The following PDE4D variants were observed in gnomAD, a reference collection of about 807,000 sequenced individuals.
PDE4D encodes phosphodiesterase 4D.
A neutral mutation model predicts 87.4 loss-of-function variants in PDE4D; 24 were observed. That is an observed-to-expected ratio of 0.27 (90% CI 0.20 to 0.39). PDE4D has a LOEUF of 0.39. Among genes scored for constraint, PDE4D ranks in the 10% least tolerant of loss-of-function variants. The pLI is 1.00. For missense variants in PDE4D, 714 were observed against 1,041.0 expected (o/e 0.69, Z 4.32); for synonymous variants, 384 against 383.2 (o/e 1.00, Z -0.02).
intron 1 of PDE4D, among the ~76,000 whole-genome samples, chr5:59,392,524 T>TATATATATATATATA (rs1562093627): frequency 4.0e-5 from 6 of 149,320 alleles, no homozygotes; most frequent in African/African-American, 7.4e-5. Flanking sequence ...TATATATATA[T>TATATATATATATATA]TCCATTAATT....
At chr5:59,340,181 A>G (rs1033787674) in intron 1 of PDE4D, among the ~76,000 whole-genome samples, 1 of 152,134 alleles carries the variant, frequency 6.6e-6, no homozygotes, top group African/African-American at 2.4e-5. Flanking sequence ...TTGCTCATAA[A>G]ATTTGATCTC....
intron 1 of PDE4D, among the ~76,000 whole-genome samples, chr5:59,431,905 T>C (rs1457112): frequency 0.2 from 30,461 of 152,072 alleles, 3,162 homozygotes; most frequent in Admixed American, 0.23. Context: ...TGTGTTAGTT[T>C]GCTAAGGATA....
chr5:59,891,331 G>C (rs1322994451), intron 1 of PDE4D, among the ~76,000 whole-genome samples: 1 of 152,000 alleles, frequency 6.6e-6, no homozygotes, highest in African/African-American at 2.4e-5. Flanking sequence ...AAATCAATCA[G>C]CCCACAGATC....
intron 1 of PDE4D, among the ~76,000 whole-genome samples, chr5:60,482,845 T>C (rs931742771): frequency 2.0e-5 from 3 of 152,220 alleles, no homozygotes; most frequent in Non-Finnish European, 2.9e-5. Flanking sequence ...ATATCTCAGA[T>C]GTTATTACCA....
At position 59,215,769 on chromosome 5, in the gene PDE4D, G is replaced by T; in HGVS notation, c.647+8C>A. On this transcript the variant is annotated splice_region_variant and intron_variant, in intron 2 of 14. Transcript: ENST00000340635. The stretch of plus-strand genomic sequence containing the variant: ...GTTTTCTCTCTCTTTGCCTGCCCTT[G>T]TACTTACATATCACTGGCAATGGAG... 1 of 1,611,888 alleles carries T rather than the reference G, an allele frequency of 6.2e-7. No individual in the cohort carries two copies. The highest frequency in any genetic ancestry group is 8.5e-7 in the Non-Finnish European group (1 of 1,178,120).
At chr5:60,033,501 C>T (rs567149928) in intron 2 of PDE4D, among the ~76,000 whole-genome samples, 1 of 151,966 alleles carries the variant, frequency 6.6e-6, no homozygotes, top group Non-Finnish European at 1.5e-5. Flanking sequence ...CATTTTTTGC[C>T]ACAATTTCTA....
At chr5:59,472,880 A>C (rs894953810) in intron 1 of PDE4D, among the ~76,000 whole-genome samples, 1 of 152,142 alleles carries the variant, frequency 6.6e-6, no homozygotes, top group Non-Finnish European at 1.5e-5. Context: ...TCAACATAGG[A>C]GGAAAGTAAG....
intron 1 of PDE4D, among the ~76,000 whole-genome samples, chr5:59,854,824 C>T (rs1454519345): frequency 6.6e-6 from 1 of 152,102 alleles, no homozygotes; most frequent in Non-Finnish European, 1.5e-5. Flanking sequence ...CCCACTCAGC[C>T]TCTCTCAAGT....
rs561766909 is a variant in PDE4D at position 60,088,745 on chromosome 5, A to G, written c.42+96812T>C. Among the ~76,000 whole-genome samples, 73 of 152,058 alleles carry G rather than the reference A, an allele frequency of 4.8e-4. 1 individual carries two copies. The highest frequency in any genetic ancestry group is 1.4e-3 in the Admixed American group (21 of 15,280). On this transcript the variant is annotated intron_variant, in intron 2 of 16. Transcript: ENST00000502484. ...AAAACGAAAGTAAGAGAGAGAGAGA[A>G]AAAGAAAGAAATGATTCTACAAAAC... is the stretch of plus-strand genomic sequence containing the variant.
chr5:59,860,838 G>A (rs185002097), intron 1 of PDE4D, among the ~76,000 whole-genome samples: 13 of 151,294 alleles, frequency 8.6e-5, no homozygotes, highest in Non-Finnish European at 1.2e-4. Flanking sequence ...CTTGTTGTTC[G>A]AACTTTTTTT....
intron 2 of PDE4D, among the ~76,000 whole-genome samples, chr5:60,158,101 C>A (rs1443757155): frequency 6.6e-6 from 1 of 152,002 alleles, no homozygotes; most frequent in Non-Finnish European, 1.5e-5. Context: ...TAGCTTGGTA[C>A]CTAATACATA....
intron 1 of PDE4D, among the ~76,000 whole-genome samples, chr5:59,407,067 TG>T (rs1361919035): frequency 2.6e-5 from 4 of 152,180 alleles, no homozygotes; most frequent in Admixed American, 2.0e-4. Context: ...TATAGGGTGG[TG>T]TTCCTTGAAT....
intron 1 of PDE4D, among the ~76,000 whole-genome samples, chr5:60,287,845 T>A (rs1562291044): frequency 6.6e-6 from 1 of 152,194 alleles, no homozygotes; most frequent in African/African-American, 2.4e-5. Context: ...TTTATTTGAT[T>A]ATTGCTATTT....
intron 1 of PDE4D, among the ~76,000 whole-genome samples, chr5:60,465,786 C>G (rs1219820107): frequency 6.6e-6 from 1 of 151,790 alleles, no homozygotes; most frequent in East Asian, 1.9e-4. Context: ...TCCAAACTCA[C>G]ATTAGCCTAC....
intron 1 of PDE4D, among the ~76,000 whole-genome samples, chr5:59,300,764 C>T (rs1770072279): frequency 6.6e-6 from 1 of 152,038 alleles, no homozygotes; most frequent in Non-Finnish European, 1.5e-5. Context: ...AATGTCAGAT[C>T]CCACCGGTTG....
chr5:59,748,915 T>A (rs1760023340), intron 1 of PDE4D, among the ~76,000 whole-genome samples: 1 of 152,174 alleles, frequency 6.6e-6, no homozygotes, highest in South Asian at 2.1e-4. Context: ...GACAGCACCA[T>A]CTTAGAAAAC....
chr5:60,417,583 G>A (rs968535242), intron 1 of PDE4D, among the ~76,000 whole-genome samples: 1 of 152,144 alleles, frequency 6.6e-6, no homozygotes, highest in African/African-American at 2.4e-5. Flanking sequence ...GGCCAGGAAG[G>A]GTATTTGACA....
At chr5:59,688,859 T>C (rs1257760308) in intron 1 of PDE4D, among the ~76,000 whole-genome samples, 2 of 152,132 alleles carry the variant, frequency 1.3e-5, no homozygotes, top group Non-Finnish European at 2.9e-5. Flanking sequence ...AAGAATCAAA[T>C]AGACGCAATA....
intron 1 of PDE4D, among the ~76,000 whole-genome samples, chr5:60,337,383 A>ATATATG (rs1757889996): frequency 1.5e-5 from 2 of 130,460 alleles, no homozygotes; most frequent in Non-Finnish European, 3.2e-5. Flanking sequence ...ATATATATAT[A>ATATATG]TATATACACA....
Sources: allele counts gnomAD v4.1 joint callset (sites outside exome capture counted in the v4.1 genomes callset), GRCh38; gene constraint gnomAD v4.1.1; transcripts MANE v1.5; gene names NCBI Gene and HGNC (gene_info 2026-07-23, HGNC 2026-07-21).